The following CNTNAP5 variants were observed in gnomAD, a reference collection of about 807,000 sequenced individuals.
CNTNAP5 encodes the protein contactin-associated protein-like 5.
A neutral mutation model predicts 150.2 loss-of-function variants in CNTNAP5; 72 were observed. That is an observed-to-expected ratio of 0.48 (90% CI 0.40 to 0.58). The LOEUF is 0.58. Ranked by LOEUF, CNTNAP5 falls within the 20% of genes least tolerant of loss-of-function variation. The pLI is 0.00. For synonymous variants in CNTNAP5, 672 were observed against 619.8 expected, an observed-to-expected ratio of 1.08 and a Z score of -1.25; for missense variants, 1,636 against 1,626.2, an observed-to-expected ratio of 1.01 and a Z score of -0.10.
intron 1 of CNTNAP5, among the ~76,000 whole-genome samples, chr2:124,083,737 T>G (rs1265241664): frequency 6.6e-6 from 1 of 152,212 alleles, no homozygotes; most frequent in South Asian, 2.1e-4. Context: ...TAGACTAATT[T>G]ATCCTTTTAT....
In CNTNAP5 at chr2:124,293,316, C is replaced by T. The variant is rs1201606600; in HGVS notation, c.381+50923C>T. ...TCTGATCATTTTGTTAGGATAGATT[C>T]CAAGTACTGGAATTTCTAAATCTTA... On this transcript the variant is annotated intron_variant, in intron 3 of 23. Transcript: ENST00000682447. Among the ~76,000 whole-genome samples the T allele has an allele frequency of 2.0e-5, 3 of 151,896 alleles. No individual in the cohort carries two copies. The South Asian group carries it at 6.2e-4, about 32-fold the overall frequency.
chr2:124,395,644 C>G (rs1026360559), intron 3 of CNTNAP5, among the ~76,000 whole-genome samples: 1 of 152,100 alleles, frequency 6.6e-6, no homozygotes, highest in Non-Finnish European at 1.5e-5. Context: ...GCCAAAACTT[C>G]ATACTTCATG....
rs1677703698 is a variant in CNTNAP5 at position 124,869,668 on chromosome 2, C to T, written c.3349-7C>T. The T allele has an allele frequency of 1.2e-6, 2 of 1,602,186 alleles. No individual in the cohort carries two copies. Among genetic ancestry groups the T allele is most frequent in the Non-Finnish European group, 8.5e-7 (1 of 1,170,146 alleles). On this transcript the variant is annotated splice_region_variant and splice_polypyrimidine_tract_variant and intron_variant, in intron 20 of 23. Coordinates refer to ENST00000682447, the MANE Select transcript of CNTNAP5 (RefSeq NM_001367498.1). ...CTGATGTGCCTTTGTTTTCTGTTTT[C>T]CTGCAGATGGACCAGCAACTTCGAC...
rs527704944 is a variant in CNTNAP5, at chr2:124,359,171, T to G, written c.382-58272T>G. Reference sequence around the variant, plus strand: ...TGATATCCCCTTTATCATTTTTTATTGTGTCTATTTGATCCTTCTCTCTTT... The same window carrying G: ...TGATATCCCCTTTATCATTTTTTATGGTGTCTATTTGATCCTTCTCTCTTT... On this transcript the variant is annotated intron_variant, in intron 3 of 23. Transcript: ENST00000682447. Among the ~76,000 whole-genome samples, 213 of 152,276 alleles carry G rather than the reference T, an allele frequency of 1.4e-3. 3 individuals carry two copies. The South Asian group carries it at 0.023, about 16-fold the overall frequency.
At chr2:124,667,613 C>G (rs138090417) in intron 13 of CNTNAP5, among the ~76,000 whole-genome samples, 2,746 of 152,258 alleles carry the variant, frequency 0.018, 32 homozygotes, top group Non-Finnish European at 0.027. Context: ...CACAGTTTAC[C>G]TAAAGGTTAA....
chr2:124,248,553 A>G (rs922938382), intron 3 of CNTNAP5, among the ~76,000 whole-genome samples: 1 of 152,170 alleles, frequency 6.6e-6, no homozygotes, highest in African/African-American at 2.4e-5. Context: ...GCTGGTCTTC[A>G]CCCCAGCTTC....
intron 10 of CNTNAP5, among the ~76,000 whole-genome samples, chr2:124,540,266 G>T (rs145520126): frequency 5.8e-4 from 88 of 152,282 alleles, no homozygotes; most frequent in African/African-American, 2.0e-3. Context: ...AATCTTCTCA[G>T]ATGTGGTTCC....
chr2:124,418,931 G>A (rs1040217443), intron 4 of CNTNAP5, among the ~76,000 whole-genome samples: 3 of 150,546 alleles, frequency 2.0e-5, no homozygotes, highest in Admixed American at 6.6e-5. Flanking sequence ...TCAGGAGATC[G>A]AGACCATCCT....
rs1457057460 is a variant in CNTNAP5 at position 124,916,732 on chromosome 2, T to C, written c.*2444T>C. Among the ~76,000 whole-genome samples the C allele has an allele frequency of 1.3e-5, 2 of 152,132 alleles. No individual in the cohort carries two copies. The highest frequency in any genetic ancestry group is 3.9e-4 in the East Asian group (2 of 5,152). Reference sequence around the variant, plus strand: ...TCCTGACCACAATGGCACTACAAAATCAACTGGCATCTTCCTCACGTGTGT... The same window carrying C: ...TCCTGACCACAATGGCACTACAAAACCAACTGGCATCTTCCTCACGTGTGT... On this transcript the variant is annotated 3_prime_UTR_variant, in exon 24 of 24. Transcript: ENST00000682447.
chr2:124,058,930 T>A (rs1245182507), intron 1 of CNTNAP5, among the ~76,000 whole-genome samples: 1 of 152,238 alleles, frequency 6.6e-6, no homozygotes, highest in Non-Finnish European at 1.5e-5. Flanking sequence ...GCCATGTGCC[T>A]ATTCCCCTGG....
At chr2:124,254,993 A>C (rs193268687) in intron 3 of CNTNAP5, among the ~76,000 whole-genome samples, 1 of 152,318 alleles carries the variant, frequency 6.6e-6, no homozygotes, top group Admixed American at 6.5e-5. Flanking sequence ...AAGCTCAAAT[A>C]GCAGCAGAGT....
At chr2:124,612,006 A>C (rs543326111) in intron 12 of CNTNAP5, among the ~76,000 whole-genome samples, 1 of 152,378 alleles carries the variant, frequency 6.6e-6, no homozygotes, top group African/African-American at 2.4e-5. Flanking sequence ...CTAACAGTCA[A>C]GACTTAGGAA....
intron 12 of CNTNAP5, among the ~76,000 whole-genome samples, chr2:124,629,936 C>CAAAA (rs70996084): frequency 1.5e-5 from 1 of 67,770 alleles, no homozygotes; most frequent in Non-Finnish European, 3.1e-5. Context: ...CACCTCTATG[C>CAAAA]AAAAAAAAAA....
intron 3 of CNTNAP5, among the ~76,000 whole-genome samples, chr2:124,393,477 A>T (rs1222603739): frequency 6.6e-6 from 1 of 152,176 alleles, no homozygotes; most frequent in Non-Finnish European, 1.5e-5. Context: ...AGGTTTGCAG[A>T]TAGGTCAAAG....
At chr2:124,188,788 A>C (rs1685394837) in intron 1 of CNTNAP5, among the ~76,000 whole-genome samples, 1 of 150,720 alleles carries the variant, frequency 6.6e-6, no homozygotes, top group African/African-American at 2.4e-5. Context: ...AGACAATGGG[A>C]CAGAAAGAAT....
intron 6 of CNTNAP5, among the ~76,000 whole-genome samples, chr2:124,451,422 C>T (rs557935320): frequency 2.0e-5 from 3 of 151,848 alleles, no homozygotes; most frequent in South Asian, 2.1e-4. Context: ...TAAAAAATTT[C>T]GTCTATGTAA....
At chr2:124,327,867 C>A (rs1291646202) in intron 3 of CNTNAP5, among the ~76,000 whole-genome samples, 1 of 152,130 alleles carries the variant, frequency 6.6e-6, no homozygotes, top group Non-Finnish European at 1.5e-5. Flanking sequence ...ACTCTTCAGA[C>A]TGTGTTAAGG....
chr2:124,463,148 G>T (rs778659553), intron 6 of CNTNAP5, among the ~76,000 whole-genome samples: 1 of 152,198 alleles, frequency 6.6e-6, no homozygotes, highest in Admixed American at 6.5e-5. Flanking sequence ...AGGCCCACTG[G>T]CCTGGGTATA....
intron 7 of CNTNAP5, among the ~76,000 whole-genome samples, chr2:124,495,540 A>C (rs1694122603): frequency 6.6e-6 from 1 of 152,190 alleles, no homozygotes; most frequent in African/African-American, 2.4e-5. Flanking sequence ...GAGGTCATGC[A>C]GGGCACCATC....
Sources: allele counts gnomAD v4.1 joint callset (sites outside exome capture counted in the v4.1 genomes callset), GRCh38; gene constraint gnomAD v4.1.1; transcripts MANE v1.5; gene names NCBI Gene and HGNC (gene_info 2026-07-23, HGNC 2026-07-21).